Variants in CSNK1G1 observed in about 807,000 individuals in gnomAD.
The protein encoded by CSNK1G1 is casein kinase 1 gamma 1.
A neutral mutation model predicts 59.6 loss-of-function variants in CSNK1G1; 22 were observed. The observed-to-expected ratio is 0.37, with a 90% CI of 0.26 to 0.53. The LOEUF (loss-of-function observed/expected upper bound fraction) is 0.53, where lower values mean the gene tolerates loss of function less well. Ranked by LOEUF, CSNK1G1 falls within the 20% of genes least tolerant of loss-of-function variation. The pLI is 0.89. For synonymous variants in CSNK1G1, 179 were observed against 177.1 expected (o/e 1.01, Z -0.08); for missense variants, 384 against 519.5 (o/e 0.74, Z 2.54).
In CSNK1G1 at chr15:64,216,746, G is replaced by C. The variant is rs769015099; in HGVS notation, c.293-33C>G. 3.8e-6 allele frequency: 6 copies of C among 1,597,184 alleles called. No homozygotes were observed. In the South Asian group the frequency reaches 6.7e-5, roughly 18 times the overall value. ...CAGAGGGGAAATGGGGGTATACAGT[G>C]GGAGACACAAAAGCCAAAATATGAG... On this transcript the variant is annotated intron_variant, in intron 4 of 11. Transcript: ENST00000303052. The surrounding 1 kb of genome is among the most constrained non-coding windows in gnomAD (Gnocchi z 4.6).
chr15:64,312,992 A>G (rs1246517585), intron 1 of CSNK1G1, among the ~76,000 whole-genome samples: 1 of 151,994 alleles, frequency 6.6e-6, no homozygotes, highest in Non-Finnish European at 1.5e-5. Flanking sequence ...GCAGCCAACA[A>G]ACATGAAAAA....
intron 2 of CSNK1G1, among the ~76,000 whole-genome samples, chr15:64,277,654 TAG>T (rs1400701706): frequency 0.011 from 1,436 of 127,032 alleles, 12 homozygotes; most frequent in Non-Finnish European, 0.015. Context: ...TTTAATAATA[TAG>T]CAATATTGAT....
chr15:64,198,433 TG>T (rs1263440669), intron 10 of CSNK1G1, among the ~76,000 whole-genome samples: 1 of 151,942 alleles, frequency 6.6e-6, no homozygotes, highest in Non-Finnish European at 1.5e-5. Context: ...CTCGAACTCC[TG>T]GCCTCAAGTT....
intron 7 of CSNK1G1, among the ~76,000 whole-genome samples, chr15:64,207,171 A>G (rs955981642): frequency 2.6e-5 from 4 of 152,154 alleles, no homozygotes; most frequent in Non-Finnish European, 5.9e-5. Context: ...AACAGTTTCC[A>G]AAGCCCAGGA....
intron 5 of CSNK1G1, among the ~76,000 whole-genome samples, chr15:64,215,155 G>T (rs1448944725): frequency 6.8e-6 from 1 of 147,246 alleles, no homozygotes; most frequent in African/African-American, 2.5e-5. Context: ...AATCATAAAA[G>T]CATTTCAAAT....
In CSNK1G1 at chr15:64,180,333, G is replaced by A. The variant is rs2140209614; in HGVS notation, c.1214+15C>T. On this transcript the variant is annotated intron_variant, in intron 11 of 11. Transcript: ENST00000303052. ...CAACCCATGACTTAAGAGCCCCCTT[G>A]AAAGATGTACGTACTTAGCTTCCTC... 6.2e-7 allele frequency: 1 copy of A among 1,600,294 alleles called. No homozygotes were observed. The highest frequency in any genetic ancestry group is 2.2e-5 in the East Asian group (1 of 44,800).
At chr15:64,198,841 G>A (rs2140240283) in intron 10 of CSNK1G1, among the ~76,000 whole-genome samples, 1 of 152,182 alleles carries the variant, frequency 6.6e-6, no homozygotes, top group East Asian at 1.9e-4. Flanking sequence ...AGTGCATAGT[G>A]CAGAAAGAAT....
chr15:64,201,287 A>AAAAG (rs999777218), intron 10 of CSNK1G1, among the ~76,000 whole-genome samples: 25 of 149,068 alleles, frequency 1.7e-4, no homozygotes, highest in African/African-American at 5.1e-4. Context: ...AAAAAAAAAA[A>AAAAG]AAAGAAAGAA....
At chr15:64,263,822 CAAAAAAAAAA>C (rs869123397) in intron 2 of CSNK1G1, among the ~76,000 whole-genome samples, 21 of 53,800 alleles carry the variant, frequency 3.9e-4, no homozygotes, top group Non-Finnish European at 5.9e-4. Context: ...TTTTGTTTAC[CAAAAAAAAAA>C]AAAAAAAAAA....
rs2081934462 is a variant in CSNK1G1, at chr15:64,188,954, T to G, written c.1108-8500A>C. ...CAGCCTGACCAACATGGTGAAAGCCTGTCTCTACTAAAATTACAAAAATGA... is the reference window on the plus strand; with the variant it reads ...CAGCCTGACCAACATGGTGAAAGCCGGTCTCTACTAAAATTACAAAAATGA... On this transcript the variant is annotated intron_variant, in intron 10 of 11. Coordinates refer to ENST00000303052, the MANE Select transcript of CSNK1G1 (RefSeq NM_022048.5). This position sits in a 1 kb window ranked among gnomAD's most constrained non-coding sequence, Gnocchi z 4.2. 6.6e-6 allele frequency among the ~76,000 whole-genome samples: 1 copy of G among 152,090 alleles called. No individual in the cohort carries two copies. The highest frequency in any genetic ancestry group is 1.5e-5 in the Non-Finnish European group (1 of 68,010).
rs117396922 is a variant in CSNK1G1 at position 64,302,940 on chromosome 15, T to C, written c.-224-2217A>G. 2.0e-4 allele frequency among the ~76,000 whole-genome samples: 30 copies of C among 152,366 alleles called. No individual in the cohort carries two copies. In the East Asian group the frequency reaches 5.2e-3, roughly 26 times the overall value. Reference sequence around the variant, plus strand: ...CAACAGATGGATGTTATTTTTATAATACTTTGCACTAATTTCTTCCATTGC... The same window carrying C: ...CAACAGATGGATGTTATTTTTATAACACTTTGCACTAATTTCTTCCATTGC... On this transcript the variant is annotated intron_variant, in intron 1 of 11. Coordinates refer to ENST00000303052, the MANE Select transcript of CSNK1G1 (RefSeq NM_022048.5).
At chr15:64,199,250 CAAAAAAA>C (rs56819260) in intron 10 of CSNK1G1, among the ~76,000 whole-genome samples, 43 of 52,340 alleles carry the variant, frequency 8.2e-4, no homozygotes, top group Non-Finnish European at 1.2e-3. Context: ...AATCTTTTCT[CAAAAAAA>C]AAAAAAAAAA....
chr15:64,293,078 G>C (rs949367086), intron 2 of CSNK1G1, among the ~76,000 whole-genome samples: 2 of 152,138 alleles, frequency 1.3e-5, no homozygotes, highest in African/African-American at 4.8e-5. Context: ...TTCCAGGCCT[G>C]ATTCAGCAGA....
At position 64,229,034 on chromosome 15, in the gene CSNK1G1, A is replaced by AG. The variant is rs1262594856; in HGVS notation, c.293-12322_293-12321insC. Among the ~76,000 whole-genome samples the AG allele has an allele frequency of 6.3e-4, 96 of 151,714 alleles. 2 individuals carry two copies. The highest frequency in any genetic ancestry group is 2.3e-3 in the African/African-American group (94 of 41,322). ...ACTCTGTCTCAAAAAAAAAAAAAAA[A>AG]AAAAGAAAAAGAAAAATACTACAGA... On this transcript the variant is annotated intron_variant, in intron 4 of 11. Coordinates refer to ENST00000303052, the MANE Select transcript of CSNK1G1 (RefSeq NM_022048.5).
chr15:64,258,830 G>A (rs1441913773), intron 3 of CSNK1G1, among the ~76,000 whole-genome samples: 1 of 151,828 alleles, frequency 6.6e-6, no homozygotes, highest in Non-Finnish European at 1.5e-5. Flanking sequence ...TTTCTTCTAA[G>A]TACAAAAAAT....
intron 4 of CSNK1G1, among the ~76,000 whole-genome samples, chr15:64,243,319 G>C (rs1386163438): frequency 5.3e-5 from 8 of 151,960 alleles, no homozygotes; most frequent in Non-Finnish European, 1.0e-4. Context: ...TTGGGAGACA[G>C]AGCGAGACTC....
intron 4 of CSNK1G1, among the ~76,000 whole-genome samples, chr15:64,245,071 C>T (rs1369402827): frequency 1.3e-5 from 2 of 151,828 alleles, no homozygotes; most frequent in East Asian, 3.9e-4. Flanking sequence ...AACTAGACCC[C>T]TATCTCTAAC....
chr15:64,286,160 C>T (rs1173357659), intron 2 of CSNK1G1, among the ~76,000 whole-genome samples: 1 of 152,106 alleles, frequency 6.6e-6, no homozygotes, highest in Non-Finnish European at 1.5e-5. Flanking sequence ...TCCTTACTGC[C>T]CAGCTCGAGC....
intron 6 of CSNK1G1, among the ~76,000 whole-genome samples, chr15:64,211,272 C>CA (rs1164609913): frequency 6.6e-6 from 1 of 152,166 alleles, no homozygotes; most frequent in Non-Finnish European, 1.5e-5. Flanking sequence ...ACATCTCAGT[C>CA]ATTTCTTCTT....
Sources: gnomAD v4.1 joint callset for allele counts (sites outside exome capture counted in the v4.1 genomes callset) on GRCh38, gnomAD v4.1.1 for gene constraint, Gnocchi (gnomAD v3.1) non-coding constraint, MANE v1.5 for transcripts, NCBI Gene and HGNC (gene_info 2026-07-23, HGNC 2026-07-21) for gene names.